The following PTK2B variants were observed in gnomAD, a reference collection of about 807,000 sequenced individuals.
PTK2B encodes the protein protein tyrosine kinase 2 beta.
PTK2B carries 71 observed loss-of-function variants against 142.9 expected under a neutral mutation model. The ratio of observed to expected loss-of-function variants is 0.50; its 90% CI spans 0.41 to 0.61. The LOEUF (loss-of-function observed/expected upper bound fraction) is 0.61. Among genes scored for constraint, PTK2B ranks in the 20% least tolerant of loss-of-function variants. PTK2B has a pLI of 0.00. For missense variants in PTK2B, 1,105 were observed against 1,320.4 expected, an observed-to-expected ratio of 0.84 and a Z score of 2.53; for synonymous variants, 519 against 503.4, an observed-to-expected ratio of 1.03 and a Z score of -0.42.
chr8:27,334,405 T>A (rs947402875), intron 1 of PTK2B, among the ~76,000 whole-genome samples: 7 of 152,180 alleles, frequency 4.6e-5, no homozygotes, highest in African/African-American at 1.7e-4. Flanking sequence ...GCTCAAGTCC[T>A]GTGTTCTGTT....
chr8:27,411,307 G>C (rs374753517), intron 2 of PTK2B, among the ~76,000 whole-genome samples: 93 of 152,226 alleles, frequency 6.1e-4, no homozygotes, highest in African/African-American at 2.2e-3. Flanking sequence ...GGCAGGGCTC[G>C]TGCAAGAGCC....
At chr8:27,447,917 T>C (rs145553776) in intron 24 of PTK2B, among the ~76,000 whole-genome samples, 6 of 152,312 alleles carry the variant, frequency 3.9e-5, no homozygotes, top group East Asian at 1.9e-4. Context: ...GGGCTTGCTG[T>C]GATTGCTGGA....
chr8:27,325,957 G>A (rs1279181304), intron 1 of PTK2B, among the ~76,000 whole-genome samples: 1 of 152,098 alleles, frequency 6.6e-6, no homozygotes, highest in Non-Finnish European at 1.5e-5. Context: ...TTCAGACAGG[G>A]GAGGCTGGGG....
intron 22 of PTK2B, among the ~76,000 whole-genome samples, chr8:27,443,539 G>T (rs996826529): frequency 1.3e-5 from 2 of 152,184 alleles, no homozygotes; most frequent in Admixed American, 1.3e-4. Context: ...AGGGCTCTCT[G>T]CCTGGCTTAC....
intron 1 of PTK2B, among the ~76,000 whole-genome samples, chr8:27,331,231 G>A (rs1484306101): frequency 6.6e-6 from 1 of 152,102 alleles, no homozygotes; most frequent in African/African-American, 2.4e-5. Context: ...CCCTTTTAAT[G>A]CCCTTTCTTT....
At chr8:27,372,930 T>A (rs558325828) in intron 1 of PTK2B, among the ~76,000 whole-genome samples, 1 of 152,186 alleles carries the variant, frequency 6.6e-6, no homozygotes, top group South Asian at 2.1e-4. Flanking sequence ...CACATAGACA[T>A]TTCCAAAGTC....
chr8:27,319,816 A>C (rs137872614), intron 3 of PTK2B, among the ~76,000 whole-genome samples: 1 of 152,180 alleles, frequency 6.6e-6, no homozygotes, highest in Non-Finnish European at 1.5e-5. Flanking sequence ...CTTAACTTAT[A>C]TCTAAAAGAA....
chr8:27,450,772 C>G lies in PTK2B; in HGVS notation c.2364C>G (p.Ser788Arg). ...AGGAGGAGGACTTCATCCAACCCAG[C>G]AGCCGAGAAGAGGCCCAGCAGCTGT... ...SMREEDFIQPSSREEAQQLWE... is the reference protein window; with the variant it reads ...SMREEDFIQPRSREEAQQLWE... The change falls in exon 25 of 31, where the codon AGC becomes AGG. Residue 788 changes from serine (S) to arginine (R), a missense_variant. Coordinates refer to ENST00000346049, the MANE Select transcript of PTK2B (RefSeq NM_173176.3). 6.2e-7 allele frequency: 1 copy of G among 1,614,212 alleles called. No individual in the cohort carries two copies.
chr8:27,386,895 T>G (rs559835940), intron 1 of PTK2B, among the ~76,000 whole-genome samples: 1 of 152,046 alleles, frequency 6.6e-6, no homozygotes, highest in African/African-American at 2.4e-5. Context: ...TTTTTTTTAA[T>G]CACCTACTTT....
chr8:27,453,961 G>T, intron 28 of PTK2B, 193 bp from the exon 29 acceptor site: 1 of 666,526 alleles, frequency 1.5e-6, no homozygotes, highest in East Asian at 2.9e-5. Flanking sequence ...TTCCGTTAAG[G>T]CTCCCTGGCT....
At chr8:27,353,927 C>T (rs997777846) in intron 1 of PTK2B, among the ~76,000 whole-genome samples, 1 of 151,966 alleles carries the variant, frequency 6.6e-6, no homozygotes, top group Admixed American at 6.5e-5. Context: ...GACAGAAACC[C>T]AAAAGAGAGG....
At chr8:27,394,416 T>G (rs185770768) in intron 1 of PTK2B, among the ~76,000 whole-genome samples, 13 of 152,346 alleles carry the variant, frequency 8.5e-5, no homozygotes, top group African/African-American at 3.1e-4. Flanking sequence ...TAGGTATTTG[T>G]GTATCTAAAC....
At chr8:27,417,347 A>G (rs1219984247) in intron 2 of PTK2B, among the ~76,000 whole-genome samples, 1 of 152,212 alleles carries the variant, frequency 6.6e-6, no homozygotes, top group Non-Finnish European at 1.5e-5. Context: ...TGTATGCTAA[A>G]TGATTCCATT....
chr8:27,431,093 G>T lies in PTK2B; in HGVS notation c.810+77G>T, dbSNP rs1810388773. The T allele has an allele frequency of 5.2e-6, 8 of 1,551,906 alleles. No homozygotes were observed. In the South Asian group the frequency reaches 8.4e-5, roughly 16 times the overall value. ...GGAAAAGGGGGCCAGGAGGGGGCAG[G>T]GAGAGGCTGCAATCGCTGCAGATTC... is the stretch of plus-strand genomic sequence containing the variant. On this transcript the variant is annotated intron_variant, in intron 8 of 30. Transcript: ENST00000346049.
At chr8:27,409,571 CCA>C (rs1808931007) in intron 2 of PTK2B, among the ~76,000 whole-genome samples, 2 of 152,056 alleles carry the variant, frequency 1.3e-5, no homozygotes, top group Non-Finnish European at 2.9e-5. Context: ...GGAAAAAAAC[CCA>C]AAGGGAGATT....
chr8:27,424,185 C>T (rs1419886953), intron 5 of PTK2B, among the ~76,000 whole-genome samples: 1 of 152,176 alleles, frequency 6.6e-6, no homozygotes, highest in Non-Finnish European at 1.5e-5. Flanking sequence ...CACTTTGAGA[C>T]ACCTATCACT....
At chr8:27,318,742 C>T (rs1482545120) in intron 3 of PTK2B, among the ~76,000 whole-genome samples, 2 of 152,184 alleles carry the variant, frequency 1.3e-5, no homozygotes, top group African/African-American at 2.4e-5. Flanking sequence ...CCTCCGCCTC[C>T]AGGGTTCAAG....
At chr8:27,391,676 G>C (rs1325413958) in intron 1 of PTK2B, among the ~76,000 whole-genome samples, 1 of 152,208 alleles carries the variant, frequency 6.6e-6, no homozygotes, top group African/African-American at 2.4e-5. Context: ...CCTCCTGCAG[G>C]CAGGTCAATG....
chr8:27,454,576 C>T lies in PTK2B; in HGVS notation c.2779C>T (p.Leu927Phe), dbSNP rs773709584. ...LRKLIGSVDD[L>F]LPSLPSSSRT... ...GAAGCTCATCGGGAGCGTGGATGAT[C>T]TCCTGCCTTCCTTGCCGTCATCTTC... Residue 927 changes from leucine to phenylalanine, a missense_variant, in exon 30 of 31, where the codon CTC becomes TTC. Leu to Phe is a conservative substitution (Grantham distance 22). Coordinates refer to ENST00000346049, the MANE Select transcript of PTK2B (RefSeq NM_173176.3). 6.2e-7 allele frequency: 1 copy of T among 1,614,188 alleles called. No homozygotes were observed. The highest frequency in any genetic ancestry group is 8.5e-7 in the Non-Finnish European group (1 of 1,180,018).
Sources: allele counts gnomAD v4.1 joint callset (sites outside exome capture counted in the v4.1 genomes callset), GRCh38; gene constraint gnomAD v4.1.1; transcripts MANE v1.5; gene names NCBI Gene and HGNC (gene_info 2026-07-23, HGNC 2026-07-21).